Variants in SPTLC3 observed in about 807,000 individuals in gnomAD.
SPTLC3 encodes the protein serine palmitoyltransferase long chain base subunit 3.
In SPTLC3, 36 loss-of-function variants were observed where a neutral mutation model predicts 59.3. The ratio of observed to expected loss-of-function variants is 0.61; its 90% CI spans 0.47 to 0.80. The LOEUF (loss-of-function observed/expected upper bound fraction) is 0.80, where lower values mean the gene tolerates loss of function less well. SPTLC3 is among the 30% of genes least tolerant of loss of function. SPTLC3 has a pLI of 0.00. For synonymous variants in SPTLC3, 257 were observed against 240.8 expected (o/e 1.07, Z -0.62); for missense variants, 625 against 685.1 (o/e 0.91, Z 0.98).
chr20:13,134,526 T>C (rs1209295351), intron 9 of SPTLC3, among the ~76,000 whole-genome samples: 1 of 152,062 alleles, frequency 6.6e-6, no homozygotes, highest in Non-Finnish European at 1.5e-5. Context: ...ACAGCAGTGG[T>C]TCTCAAAGAG....
intron 8 of SPTLC3, among the ~76,000 whole-genome samples, chr20:13,123,828 C>T (rs565589346): frequency 6.6e-6 from 1 of 152,306 alleles, no homozygotes; most frequent in Admixed American, 6.5e-5. Context: ...ACGTAAGCCT[C>T]CATCATCCAA....
intron 1 of SPTLC3, among the ~76,000 whole-genome samples, chr20:13,047,106 T>A (rs1987266519): frequency 6.6e-6 from 1 of 152,210 alleles, no homozygotes; most frequent in Non-Finnish European, 1.5e-5. Flanking sequence ...TAGATATCAC[T>A]ATAAAAAGGC....
intron 9 of SPTLC3, among the ~76,000 whole-genome samples, chr20:13,129,165 C>A (rs2038063135): frequency 6.6e-6 from 1 of 152,118 alleles, no homozygotes; most frequent in Non-Finnish European, 1.5e-5. Flanking sequence ...CCACACCTGG[C>A]CAATTTTTGT....
chr20:13,029,069 C>T (rs1986298749), intron 1 of SPTLC3, among the ~76,000 whole-genome samples: 1 of 152,166 alleles, frequency 6.6e-6, no homozygotes, highest in Non-Finnish European at 1.5e-5. Flanking sequence ...CACTATTTGT[C>T]CACCCATGCA....
chr20:13,042,599 A>T (rs1268961977), intron 1 of SPTLC3, among the ~76,000 whole-genome samples: 1 of 152,194 alleles, frequency 6.6e-6, no homozygotes. Context: ...CCTCTGCAAA[A>T]CAGAACTGAG....
At position 13,167,785 on chromosome 20, in the gene SPTLC3, T is replaced by C. The variant is rs1345789494; in HGVS notation, c.*2918T>C. The C allele has an allele frequency of 1.3e-5, 2 of 152,166 alleles. No homozygotes were observed. Among genetic ancestry groups the C allele is most frequent in the African/African-American group, 2.4e-5 (1 of 41,432 alleles). The allele number at this position is 152,166 out of a possible 1,614,324, so 9.4% of individuals were successfully genotyped here. On this transcript the variant is annotated 3_prime_UTR_variant, in exon 12 of 12. Coordinates refer to ENST00000399002, the MANE Select transcript of SPTLC3 (RefSeq NM_018327.4). ...TACCCCTAGGCCCTACACCAGACCT[T>C]TACTGAAACATAATAGTTGTAGTGC... is the stretch of plus-strand genomic sequence containing the variant.
At chr20:13,051,001 A>G (rs1250520981) in intron 2 of SPTLC3, 1 of 152,220 alleles carries the variant, frequency 6.6e-6, no homozygotes, top group Non-Finnish European at 1.5e-5. Flanking sequence ...AAAAACACAC[A>G]CACACAAGTT....
Position 13,165,099 on chromosome 20 carries a change from TACACAC to T in SPTLC3, c.*249_*254del, listed in dbSNP as rs34511643. Reference sequence around the variant, plus strand: ...CTTCTTCCAAGTATTCTACTAGAAATACACACACACACACACACACACTTCTGAGAA... The same window carrying T: ...CTTCTTCCAAGTATTCTACTAGAAATACACACACACACACACTTCTGAGAA... On this transcript the variant is annotated 3_prime_UTR_variant, in exon 12 of 12. Coordinates refer to ENST00000399002, the MANE Select transcript of SPTLC3 (RefSeq NM_018327.4). 4 of 374,234 alleles carry T rather than the reference TACACAC, an allele frequency of 1.1e-5. No individual in the cohort carries two copies. The highest frequency in any genetic ancestry group is 1.4e-5 in the Non-Finnish European group (3 of 208,676). 23.2% of individuals were successfully genotyped at this position (374,234 alleles called of 1,614,324 possible). A position where few individuals can be genotyped will look rare whatever the true frequency, so the allele number is the denominator to read the frequency against.
At chr20:13,035,615 G>C (rs1343284053) in intron 1 of SPTLC3, among the ~76,000 whole-genome samples, 1 of 152,068 alleles carries the variant, frequency 6.6e-6, no homozygotes, top group Non-Finnish European at 1.5e-5. Context: ...ATGATTAATT[G>C]CACCTTGTGC....
chr20:13,053,447 C>T (rs986670136), intron 2 of SPTLC3, among the ~76,000 whole-genome samples: 2 of 152,038 alleles, frequency 1.3e-5, no homozygotes, highest in African/African-American at 4.8e-5. Flanking sequence ...GAAAAACCAG[C>T]ACAAAAAAAG....
chr20:13,128,097 G>A (rs1358723729), intron 9 of SPTLC3, among the ~76,000 whole-genome samples: 1 of 152,240 alleles, frequency 6.6e-6, no homozygotes, highest in Non-Finnish European at 1.5e-5. Context: ...AGGTTTTTGT[G>A]AGAAGTAGGC....
intron 11 of SPTLC3, among the ~76,000 whole-genome samples, chr20:13,160,533 GA>G (rs1001612190): frequency 2.0e-5 from 3 of 152,104 alleles, no homozygotes; most frequent in Non-Finnish European, 4.4e-5. Flanking sequence ...CAACATGTTG[GA>G]AAACCAACAA....
chr20:13,089,078 T>C (rs1989112687), intron 4 of SPTLC3, among the ~76,000 whole-genome samples: 1 of 152,222 alleles, frequency 6.6e-6, no homozygotes, highest in South Asian at 2.1e-4. Flanking sequence ...ATGTTAGAAC[T>C]GACCATTCAA....
intron 10 of SPTLC3, among the ~76,000 whole-genome samples, chr20:13,156,730 A>G (rs2038776337): frequency 6.6e-6 from 1 of 152,214 alleles, no homozygotes; most frequent in Admixed American, 6.5e-5. Flanking sequence ...AGCACTTAAT[A>G]TAGTAGTTGG....
In SPTLC3 at chr20:13,110,142, A is replaced by G; in HGVS notation, c.857A>G (p.Asp286Gly). ...NTQSLEKLLR[D>G]AVIYGQPRTR... The stretch of plus-strand genomic sequence containing the variant: ...CAAAGCCTAGAGAAGCTCCTGAGAG[A>G]TGCTGTCATCTATGGCCAGCCTCGA... Residue 286 changes from aspartate to glycine, a missense_variant, in exon 7 of 12, where the codon GAT (aspartate) becomes GGT (glycine). Physicochemically the swap from Asp to Gly is moderately conservative, Grantham distance 94 (BLOSUM62 -1). Coordinates refer to ENST00000399002, the MANE Select transcript of SPTLC3 (RefSeq NM_018327.4). 1 of 1,613,514 alleles carries G rather than the reference A, an allele frequency of 6.2e-7. No individual in the cohort carries two copies. Among genetic ancestry groups the G allele is most frequent in the East Asian group, 2.2e-5 (1 of 44,824 alleles).
intron 1 of SPTLC3, among the ~76,000 whole-genome samples, chr20:13,023,210 T>C (rs1985978572): frequency 6.9e-6 from 1 of 145,400 alleles, no homozygotes; most frequent in African/African-American, 2.6e-5. Context: ...CCCAACTTCC[T>C]GGCCCCTTTC....
chr20:13,164,521 A>G (rs1176241660), intron 11 of SPTLC3: 1 of 563,864 alleles, frequency 1.8e-6, no homozygotes, highest in Middle Eastern at 4.0e-4. Context: ...AAAATAAAAT[A>G]AACATTCATA....
intron 9 of SPTLC3, among the ~76,000 whole-genome samples, chr20:13,144,442 C>A (rs909418791): frequency 1.3e-5 from 2 of 152,298 alleles, no homozygotes; most frequent in Admixed American, 6.5e-5. Flanking sequence ...CTATCATCCC[C>A]ATTTAACAGA....
intron 6 of SPTLC3, among the ~76,000 whole-genome samples, chr20:13,107,250 T>C (rs1392219064): frequency 6.6e-6 from 1 of 152,090 alleles, no homozygotes; most frequent in Non-Finnish European, 1.5e-5. Flanking sequence ...ATTATTTCTA[T>C]TCATCCTGAA....
Sources: allele counts gnomAD v4.1 joint callset (sites outside exome capture counted in the v4.1 genomes callset), GRCh38; gene constraint gnomAD v4.1.1; transcripts MANE v1.5; gene names NCBI Gene and HGNC (gene_info 2026-07-23, HGNC 2026-07-21).